The following MACROD2 variants were observed in gnomAD, a reference collection of about 807,000 sequenced individuals.
The protein encoded by MACROD2 is ADP-ribose glycohydrolase MACROD2.
MACROD2 carries 36 observed loss-of-function variants against 70.4 expected under a neutral mutation model. The ratio of observed to expected loss-of-function variants is 0.51; its 90% CI spans 0.39 to 0.68. The LOEUF is 0.68. Among genes scored for constraint, MACROD2 ranks in the 30% least tolerant of loss-of-function variants. The probability of loss-of-function intolerance (pLI) is 0.00; values close to 1 mark genes in which losing one functional copy is unlikely to be tolerated. For synonymous variants in MACROD2, 172 were observed against 178.8 expected (o/e 0.96, Z 0.30); for missense variants, 496 against 538.4 (o/e 0.92, Z 0.78).
At chr20:14,437,938 CCCCTA>C (rs2084076939) in intron 3 of MACROD2, among the ~76,000 whole-genome samples, 1 of 152,018 alleles carries the variant, frequency 6.6e-6, no homozygotes, top group Admixed American at 6.6e-5. Flanking sequence ...TTACCCATTC[CCCCTA>C]CAGTGACAAG....
chr20:14,969,373 C>CACAG, intron 5 of MACROD2, among the ~76,000 whole-genome samples: 1 of 149,406 alleles, frequency 6.7e-6, no homozygotes, highest in Non-Finnish European at 1.5e-5. Flanking sequence ...CACACACACA[C>CACAG]ACACACACAC....
intron 6 of MACROD2, among the ~76,000 whole-genome samples, chr20:15,280,301 C>T (rs1449679593): frequency 1.3e-5 from 2 of 151,746 alleles, no homozygotes; most frequent in East Asian, 3.9e-4. Context: ...AAAAAGAAAA[C>T]AAGGATGCAA....
intron 6 of MACROD2, among the ~76,000 whole-genome samples, chr20:15,338,054 T>TTTTA: frequency 6.6e-6 from 1 of 151,650 alleles, no homozygotes; most frequent in East Asian, 1.9e-4. Flanking sequence ...TGGCCTTCAT[T>TTTTA]TTTATTTATT....
At chr20:15,864,939 A>G (rs1273500189) in intron 9 of MACROD2, among the ~76,000 whole-genome samples, 1 of 152,182 alleles carries the variant, frequency 6.6e-6, no homozygotes, top group Non-Finnish European at 1.5e-5. Flanking sequence ...GTGATGTATG[A>G]TGGAATGTGA....
At chr20:14,507,463 A>T (rs903125745) in intron 4 of MACROD2, among the ~76,000 whole-genome samples, 3 of 152,170 alleles carry the variant, frequency 2.0e-5, no homozygotes, top group African/African-American at 7.2e-5. Context: ...GAGATGCAGA[A>T]TTGTGTGAAT....
At chr20:15,627,854 ATAAAC>A (rs1358674067) in intron 8 of MACROD2, among the ~76,000 whole-genome samples, 9 of 152,208 alleles carry the variant, frequency 5.9e-5, no homozygotes, top group African/African-American at 1.9e-4. Flanking sequence ...CATGTAAACT[ATAAAC>A]TAAAGTTAGC....
In MACROD2 at chr20:16,051,347, A is replaced by T. The variant is rs2067456205; in HGVS notation, c.*1471A>T. On this transcript the variant is annotated 3_prime_UTR_variant, in exon 18 of 18. Transcript: ENST00000684519. ...ATCCCATCAAAATCTTCAGTTTTGC[A>T]CTTTTTTGATGGAAAATTCATCTTA... is the stretch of plus-strand genomic sequence containing the variant. The T allele has an allele frequency of 6.6e-6, 1 of 152,138 alleles. No homozygotes were observed. Among genetic ancestry groups the T allele is most frequent in the Non-Finnish European group, 1.5e-5 (1 of 67,998 alleles). 9.4% of individuals were successfully genotyped at this position (152,138 alleles called of 1,614,324 possible).
chr20:14,267,035 T>G (rs965221238), intron 3 of MACROD2, among the ~76,000 whole-genome samples: 3 of 152,176 alleles, frequency 2.0e-5, no homozygotes, highest in Non-Finnish European at 4.4e-5. Context: ...AAATATCTAT[T>G]AATTTTTAAG....
At chr20:15,137,405 T>C (rs2076157627) in intron 5 of MACROD2, among the ~76,000 whole-genome samples, 1 of 151,834 alleles carries the variant, frequency 6.6e-6, no homozygotes, top group Non-Finnish European at 1.5e-5. Context: ...TCATGTCTTT[T>C]GTAGGGACAT....
At chr20:14,732,514 G>C (rs374667671) in intron 5 of MACROD2, among the ~76,000 whole-genome samples, 74 of 152,234 alleles carry the variant, frequency 4.9e-4, no homozygotes, top group African/African-American at 1.6e-3. Context: ...TGTAAGTCAT[G>C]AGTAACACAA....
chr20:15,840,249 T>C (rs2064156334), intron 8 of MACROD2, among the ~76,000 whole-genome samples: 1 of 152,164 alleles, frequency 6.6e-6, no homozygotes, highest in African/African-American at 2.4e-5. Context: ...TAAGAACTAC[T>C]TTACCTGTTG....
intron 5 of MACROD2, among the ~76,000 whole-genome samples, chr20:14,931,899 G>T (rs1355134357): frequency 1.3e-5 from 2 of 151,728 alleles, no homozygotes; most frequent in South Asian, 2.1e-4. Context: ...CTACTTGGGA[G>T]GCTGAGCTGG....
At chr20:14,923,798 G>C (rs868411912) in intron 5 of MACROD2, among the ~76,000 whole-genome samples, 2 of 138,792 alleles carry the variant, frequency 1.4e-5, no homozygotes, top group Admixed American at 1.4e-4. Flanking sequence ...TTGGGGGAGG[G>C]GGGGGCGGCG....
intron 5 of MACROD2, among the ~76,000 whole-genome samples, chr20:15,218,587 C>T (rs1276310801): frequency 2.6e-5 from 4 of 152,144 alleles, no homozygotes; most frequent in Non-Finnish European, 5.9e-5. Flanking sequence ...TTCTCTTCTC[C>T]ATGTGAATCA....
At chr20:15,382,035 G>A (rs748942186) in intron 6 of MACROD2, among the ~76,000 whole-genome samples, 9 of 152,088 alleles carry the variant, frequency 5.9e-5, no homozygotes, top group Non-Finnish European at 1.0e-4. Context: ...AGAGAAGGGG[G>A]CAGCTTTGAA....
chr20:15,947,695 A>G (rs549934478), intron 12 of MACROD2, among the ~76,000 whole-genome samples: 3 of 152,298 alleles, frequency 2.0e-5, no homozygotes, highest in East Asian at 3.9e-4. Context: ...GTAGGTCCTC[A>G]TATTTGTTTA....
chr20:15,095,581 A>G (rs1447004352), intron 5 of MACROD2, among the ~76,000 whole-genome samples: 3 of 149,796 alleles, frequency 2.0e-5, no homozygotes, highest in Non-Finnish European at 4.5e-5. Context: ...GCAGTGGCAC[A>G]ATCTCGGCTC....
intron 5 of MACROD2, among the ~76,000 whole-genome samples, chr20:15,067,427 G>T (rs921057974): frequency 2.0e-5 from 3 of 152,132 alleles, no homozygotes; most frequent in Non-Finnish European, 4.4e-5. Flanking sequence ...TAAGCTCACT[G>T]CAACCTTTGT....
intron 3 of MACROD2, among the ~76,000 whole-genome samples, chr20:14,149,187 C>T (rs1019591101): frequency 1.7e-5 from 2 of 117,040 alleles, no homozygotes; most frequent in African/African-American, 5.2e-5. Context: ...CTATAAGTAC[C>T]CAATGTTTTT....
Sources: allele counts gnomAD v4.1 joint callset (sites outside exome capture counted in the v4.1 genomes callset), GRCh38; gene constraint gnomAD v4.1.1; transcripts MANE v1.5; gene names NCBI Gene and HGNC (gene_info 2026-07-23, HGNC 2026-07-21).